The following CDK14 variants were observed in gnomAD, a reference collection of about 807,000 sequenced individuals.
CDK14 encodes the protein cyclin dependent kinase 14.
A neutral mutation model predicts 60.7 loss-of-function variants in CDK14; 34 were observed. That is an observed-to-expected ratio of 0.56 (90% CI 0.43 to 0.75). The LOEUF is 0.75. Among genes scored for constraint, CDK14 ranks in the 30% least tolerant of loss-of-function variants. The pLI, the probability that CDK14 is intolerant of heterozygous loss-of-function variation, is 0.00. For synonymous variants in CDK14, 197 were observed against 203.7 expected, an observed-to-expected ratio of 0.97 and a Z score of 0.28; for missense variants, 482 against 564.1, an observed-to-expected ratio of 0.85 and a Z score of 1.47.
intron 14 of CDK14, among the ~76,000 whole-genome samples, chr7:91,133,247 C>A (rs1286910504): frequency 6.6e-6 from 1 of 151,972 alleles, no homozygotes; most frequent in Non-Finnish European, 1.5e-5. Flanking sequence ...TACTTTAAGT[C>A]CCTGTAAGGG....
intron 11 of CDK14, among the ~76,000 whole-genome samples, chr7:91,053,747 A>G (rs1797463835): frequency 6.6e-6 from 1 of 152,168 alleles, no homozygotes; most frequent in Non-Finnish European, 1.5e-5. Context: ...AGGTGATAGA[A>G]AAGCTGTGGA....
At chr7:90,606,295 G>T (rs1799417522) in intron 2 of CDK14, among the ~76,000 whole-genome samples, 1 of 152,172 alleles carries the variant, frequency 6.6e-6, no homozygotes, top group African/African-American at 2.4e-5. Flanking sequence ...ACTACCCTCT[G>T]TTTGGGCATT....
chr7:90,775,503 A>G (rs547328623), intron 4 of CDK14, among the ~76,000 whole-genome samples: 3 of 152,216 alleles, frequency 2.0e-5, no homozygotes, highest in Non-Finnish European at 4.4e-5. Flanking sequence ...TGACCTCAGA[A>G]TGAGAAAATT....
intron 6 of CDK14, among the ~76,000 whole-genome samples, chr7:90,893,956 A>G (rs1019489884): frequency 2.0e-5 from 3 of 152,350 alleles, no homozygotes; most frequent in South Asian, 2.1e-4. Flanking sequence ...GGGCATGCAC[A>G]TAGGAAGAAC....
At chr7:90,828,405 T>C (rs1789797774) in intron 5 of CDK14, among the ~76,000 whole-genome samples, 1 of 152,234 alleles carries the variant, frequency 6.6e-6, no homozygotes, top group Non-Finnish European at 1.5e-5. Context: ...ATTATTTTTC[T>C]ACCTTGAAGT....
chr7:90,614,117 C>T (rs1221462490), intron 2 of CDK14, among the ~76,000 whole-genome samples: 2 of 151,136 alleles, frequency 1.3e-5, no homozygotes, highest in African/African-American at 4.9e-5. Flanking sequence ...AGTGATTCTC[C>T]TGCCTCAGCC....
intron 5 of CDK14, among the ~76,000 whole-genome samples, chr7:90,834,853 A>G (rs1790037886): frequency 6.6e-6 from 1 of 152,206 alleles, no homozygotes; most frequent in African/African-American, 2.4e-5. Flanking sequence ...CATGCAATTC[A>G]TGATGTCTAG....
At chr7:91,140,964 T>C (rs1335102112) in intron 14 of CDK14, among the ~76,000 whole-genome samples, 1 of 151,724 alleles carries the variant, frequency 6.6e-6, no homozygotes, top group Non-Finnish European at 1.5e-5. Context: ...TATTGCTTGG[T>C]AAAAGTTGTA....
chr7:90,665,083 C>G (rs1246412597), intron 2 of CDK14, among the ~76,000 whole-genome samples: 2 of 151,922 alleles, frequency 1.3e-5, no homozygotes, highest in African/African-American at 4.8e-5. Flanking sequence ...AGTTCGAGAC[C>G]AGCCTGGCCA....
At chr7:91,162,673 T>G (rs1445019993) in intron 14 of CDK14, among the ~76,000 whole-genome samples, 1 of 152,246 alleles carries the variant, frequency 6.6e-6, no homozygotes, top group East Asian at 1.9e-4. Context: ...TCTACACTTC[T>G]GGTTCCTCAT....
intron 5 of CDK14, among the ~76,000 whole-genome samples, chr7:90,821,840 C>G (rs568168427): frequency 6.6e-6 from 1 of 152,172 alleles, no homozygotes; most frequent in Non-Finnish European, 1.5e-5. Context: ...GTGTCTCCCT[C>G]CAGTCCATTA....
At position 91,079,475 on chromosome 7, in the gene CDK14, G is replaced by C. The variant is rs776256901; in HGVS notation, c.1149G>C (p.Trp383Cys). ...GCTCTAAAAACCTTAGACAAGCATG[G>C]AATAAGTAAGTCTTTATACAGATTG... is the stretch of plus-strand genomic sequence containing the variant. Reference protein sequence around the residue: ...LYSSKNLRQAWNKLSYVNHAE... With the variant: ...LYSSKNLRQACNKLSYVNHAE... The change falls in exon 12 of 15, where the codon TGG becomes TGC. Residue 383 changes from tryptophan (W) to cysteine (C), a missense_variant. Physicochemically the swap from Trp to Cys is radical, Grantham distance 215. Coordinates refer to ENST00000380050, the MANE Select transcript of CDK14 (RefSeq NM_001287135.2). 1.9e-6 allele frequency: 3 copies of C among 1,596,992 alleles called. No homozygotes were observed. Among genetic ancestry groups the C allele is most frequent in the Non-Finnish European group, 2.6e-6 (3 of 1,165,776 alleles).
intron 9 of CDK14, 112 bp downstream of exon 9, chr7:90,955,929 G>T (rs1794396613): frequency 3.3e-6 from 4 of 1,230,660 alleles, no homozygotes. Flanking sequence ...AGGAGTGTTT[G>T]CCTGCATGTG....
intron 14 of CDK14, among the ~76,000 whole-genome samples, chr7:91,145,621 A>G (rs1800603010): frequency 6.6e-6 from 1 of 152,226 alleles, no homozygotes; most frequent in African/African-American, 2.4e-5. Context: ...GAGGAAATGG[A>G]AGAAATGGCT....
At chr7:91,013,131 T>C (rs2888824) in intron 10 of CDK14, among the ~76,000 whole-genome samples, 32 of 152,308 alleles carry the variant, frequency 2.1e-4, no homozygotes, top group Admixed American at 1.0e-3. Context: ...ACTCTAGAAG[T>C]TCCCAAACAC....
intron 2 of CDK14, among the ~76,000 whole-genome samples, chr7:90,622,932 T>C (rs940998950): frequency 6.7e-6 from 1 of 150,320 alleles, no homozygotes; most frequent in Non-Finnish European, 1.5e-5. Flanking sequence ...TCTTTTTTTT[T>C]TTTTTTAGCA....
At chr7:91,200,638 A>T (rs1802683913) in intron 14 of CDK14, among the ~76,000 whole-genome samples, 1 of 152,134 alleles carries the variant, frequency 6.6e-6, no homozygotes. Flanking sequence ...CTGTGTTCAA[A>T]CATCTCCCCT....
intron 2 of CDK14, among the ~76,000 whole-genome samples, chr7:90,722,135 C>T (rs1021737737): frequency 2.0e-5 from 3 of 151,818 alleles, no homozygotes; most frequent in Admixed American, 6.6e-5. Context: ...CCCTTCTCCC[C>T]TCTTACCCCT....
At chr7:91,188,493 T>G (rs1802257293) in intron 14 of CDK14, among the ~76,000 whole-genome samples, 2 of 152,164 alleles carry the variant, frequency 1.3e-5, no homozygotes, top group Non-Finnish European at 2.9e-5. Flanking sequence ...GGATTCTGAG[T>G]CTACCAGTTA....
Sources: gnomAD v4.1 joint callset for allele counts (sites outside exome capture counted in the v4.1 genomes callset) on GRCh38, gnomAD v4.1.1 for gene constraint, MANE v1.5 for transcripts, NCBI Gene and HGNC (gene_info 2026-07-23, HGNC 2026-07-21) for gene names.